The following PRSS1 variants were observed in gnomAD, a reference collection of about 807,000 sequenced individuals.
PRSS1 encodes TCR V beta 4.1.
In PRSS1, 22 loss-of-function variants were observed where a neutral mutation model predicts 24.2. That is an observed-to-expected ratio of 0.91 (90% confidence interval 0.65 to 1.30). The LOEUF is 1.30. Among genes scored for constraint, PRSS1 ranks in the 50% most tolerant of loss-of-function variants. The probability of loss-of-function intolerance (pLI) is 0.00; values close to 1 mark genes in which losing one functional copy is unlikely to be tolerated. For missense variants in PRSS1, 366 were observed against 304.2 expected (o/e 1.20, Z -1.51); for synonymous variants, 126 against 116.1 (o/e 1.08, Z -0.55).
At chr7:142,750,427 G>T (rs1317564595) in intron 1 of PRSS1, 128 bp from the exon 2 acceptor site, 56 of 1,513,908 alleles carry the variant, frequency 3.7e-5, no homozygotes, top group Non-Finnish European at 4.0e-5. Flanking sequence ...GGGTGGCAGA[G>T]CTCCCTCCCT....
intron 1 of PRSS1, 139 bp downstream of exon 1, chr7:142,749,663 C>T: frequency 1.7e-6 from 2 of 1,159,426 alleles, no homozygotes; most frequent in Non-Finnish European, 2.6e-6. Flanking sequence ...TCCTTCCCAT[C>T]CTCCTTGGGC....
rs778549864 is a variant in PRSS1 at position 142,751,844 on chromosome 7, G to A, written c.271G>A (p.Ala91Thr). 1 of 1,614,096 alleles carries A rather than the reference G, an allele frequency of 6.2e-7. No individual in the cohort carries two copies. Residue 91 changes from alanine (A) to threonine (T), a missense_variant, in exon 3 of 5, where the codon GCC (alanine) becomes ACC (threonine). Physicochemically the swap from Ala to Thr is moderately conservative, Grantham distance 58. Coordinates refer to ENST00000311737, the MANE Select transcript of PRSS1 (RefSeq NM_002769.5). ...LEGNEQFINA[A>T]KIIRHPQYDR... ...GGGGAATGAGCAGTTCATCAATGCA[G>A]CCAAGATCATCCGCCACCCCCAATA...
chr7:142,749,610 T>C, intron 1 of PRSS1, 86 bp downstream of exon 1: 1 of 1,514,092 alleles, frequency 6.6e-7, no homozygotes. Context: ...CCTCTCCTCT[T>C]TTGACTGTGC....
At chr7:142,752,396 T>A (rs1204611198) in intron 3 of PRSS1, 35 bp from the exon 4 acceptor site, 1 of 1,611,532 alleles carries the variant, frequency 6.2e-7, no homozygotes, top group South Asian at 1.1e-5. Flanking sequence ...TGACCCACAT[T>A]TCTACTTCCT....
chr7:142,751,774 C>A lies in PRSS1; in HGVS notation c.201C>A (p.Ser67=). 5 of 1,614,150 alleles carry A rather than the reference C, an allele frequency of 3.1e-6. No individual in the cohort carries two copies. In the South Asian group the frequency reaches 5.5e-5, roughly 18 times the overall value. The change falls in exon 3 of 5, where the codon TCC becomes TCA. Residue 67 remains serine (S), a splice_region_variant and synonymous_variant. Transcript: ENST00000311737. The stretch of plus-strand genomic sequence containing the variant: ...TCACCATGCCTGCCCTGCCCATCAG[C>A]CGCATCCAGGTGAGACTGGGAGAGC... ...WVVSAGHCYK[S]RIQVRLGEHN...
In PRSS1 at chr7:142,752,531, T is replaced by A. The variant is rs1798833368; in HGVS notation, c.555T>A (p.Cys185Ter). The change falls in exon 4 of 5, where the codon TGT (cysteine) becomes TGA (stop). Residue 185 changes from cysteine to a stop codon, truncating the protein, a stop_gained. Coordinates refer to ENST00000311737, the MANE Select transcript of PRSS1 (RefSeq NM_002769.5). LOFTEE classifies it high-confidence loss of function. ...YPGKITSNMF[C>*]VGFLEGGKDS... Reference sequence around the variant, plus strand: ...GAAAGATTACCAGCAACATGTTCTGTGTGGGCTTCCTTGAGGGAGGCAAGG... The same window carrying A: ...GAAAGATTACCAGCAACATGTTCTGAGTGGGCTTCCTTGAGGGAGGCAAGG... The A allele has an allele frequency of 6.2e-7, 1 of 1,614,198 alleles. No individual in the cohort carries two copies. The highest frequency in any genetic ancestry group is 1.6e-4 in the Middle Eastern group (1 of 6,062).
chr7:142,750,549 C>T lies in PRSS1; in HGVS notation c.41-6C>T. The T allele has an allele frequency of 6.2e-7, 1 of 1,614,034 alleles. No individual in the cohort carries two copies. Among genetic ancestry groups the T allele is most frequent in the Non-Finnish European group, 8.5e-7 (1 of 1,179,872 alleles). ...CTTGCCTTCTCCCTTCCCATCTCCA[C>T]TCCAGTTGCTGCCCCCTTTGATGAT... On this transcript the variant is annotated splice_polypyrimidine_tract_variant and splice_region_variant and intron_variant, in intron 1 of 4. Transcript: ENST00000311737.
chr7:142,751,597 C>T, intron 2 of PRSS1, 177 bp from the exon 3 acceptor site: 1 of 1,162,998 alleles, frequency 8.6e-7, no homozygotes, highest in South Asian at 1.5e-5. Flanking sequence ...CAGATAGGTC[C>T]TGGGTCTCAT....
rs549140095 is a variant in PRSS1, at chr7:142,751,957, G to A, written c.384G>A (p.Leu128=). The A allele has an allele frequency of 2.5e-6, 4 of 1,613,962 alleles. No individual in the cohort carries two copies. In the East Asian group the frequency reaches 8.9e-5, roughly 36 times the overall value. ...ACGCCCGCGTGTCCACCATCTCTCT[G>A]CCCACCGCCCCTCCAGCCACTGGCA... The part of the protein sequence containing the change: ...VINARVSTIS[L]PTAPPATGTK... The change falls in exon 3 of 5, where the codon CTG becomes CTA. Residue 128 remains leucine (L), a synonymous_variant. Coordinates refer to ENST00000311737, the MANE Select transcript of PRSS1 (RefSeq NM_002769.5).
chr7:142,752,173 A>C, intron 3 of PRSS1, 146 bp downstream of exon 3: 3 of 1,356,252 alleles, frequency 2.2e-6, no homozygotes, highest in Non-Finnish European at 3.1e-6. Context: ...TGGGCACCAG[A>C]GAGATGCAAA....
rs757132372 is a variant in PRSS1, at chr7:142,751,832, T to A, written c.259T>A (p.Phe87Ile). 1 of 1,613,990 alleles carries A rather than the reference T, an allele frequency of 6.2e-7. No homozygotes were observed. The highest frequency in any genetic ancestry group is 8.5e-7 in the Non-Finnish European group (1 of 1,179,992). The change falls in exon 3 of 5, where the codon TTC (phenylalanine) becomes ATC (isoleucine). Residue 87 changes from phenylalanine (F) to isoleucine (I), a missense_variant. Coordinates refer to ENST00000311737, the MANE Select transcript of PRSS1 (RefSeq NM_002769.5). ...CGAAGTCCTGGAGGGGAATGAGCAG[T>A]TCATCAATGCAGCCAAGATCATCCG... ...NIEVLEGNEQ[F>I]INAAKIIRHP...
At chr7:142,750,135 CAG>C in intron 1 of PRSS1, among the ~76,000 whole-genome samples, 1 of 141,864 alleles carries the variant, frequency 7.0e-6, no homozygotes, top group Admixed American at 7.1e-5. Context: ...TGGTCATGGC[CAG>C]GTCTATGCAG....
intron 1 of PRSS1, 116 bp downstream of exon 1, chr7:142,749,640 C>T: frequency 7.2e-7 from 1 of 1,388,878 alleles, no homozygotes; most frequent in Non-Finnish European, 1.0e-6. Context: ...CCGTTTCCTC[C>T]ATCTGGCATA....
At chr7:142,749,610 T>TA in intron 1 of PRSS1, 86 bp downstream of exon 1, 3 of 1,514,092 alleles carry the variant, frequency 2.0e-6, no homozygotes, top group Non-Finnish European at 2.8e-6. Flanking sequence ...CCTCTCCTCT[T>TA]TTGACTGTGC....
rs527849035 is a variant in PRSS1, at chr7:142,750,509, C to T, written c.41-46C>T. The T allele has an allele frequency of 1.6e-3, 2,522 of 1,613,650 alleles. No individual in the cohort carries two copies. In the South Asian group the frequency reaches 0.026, roughly 16 times the overall value. ...CAATCACAGGCTGGGAGCGCCACCC[C>T]TAACATGCTATTGACTTGCCTTCTC... On this transcript the variant is annotated intron_variant, in intron 1 of 4. Transcript: ENST00000311737.
intron 1 of PRSS1, among the ~76,000 whole-genome samples, chr7:142,750,295 G>A (rs1585977073): frequency 6.6e-6 from 1 of 152,214 alleles, no homozygotes. Flanking sequence ...GAAGCATTGT[G>A]AGGACATTCC....
At chr7:142,751,747 C>T (rs1470985064) in intron 2 of PRSS1, 27 bp from the exon 3 acceptor site, 3 of 1,614,176 alleles carry the variant, frequency 1.9e-6, no homozygotes, top group Admixed American at 1.7e-5. Flanking sequence ...GGGAGAAGGT[C>T]TTCACCATGC....
In PRSS1 at chr7:142,752,332, G is replaced by C. The variant is rs1202921964; in HGVS notation, c.455-99G>C. 1.0e-5 allele frequency: 15 copies of C among 1,507,406 alleles called. No homozygotes were observed. In the Admixed American group the frequency reaches 1.5e-4, roughly 15 times the overall value. 93.4% of individuals were successfully genotyped at this position (1,507,406 alleles called of 1,614,324 possible). Reference sequence around the variant, plus strand: ...ACTTATGTTCTGGAGTCCTCTCCAGGGGCTGTGTTCCTCTTCAGTTTTCCA... The same window carrying C: ...ACTTATGTTCTGGAGTCCTCTCCAGCGGCTGTGTTCCTCTTCAGTTTTCCA... On this transcript the variant is annotated intron_variant, in intron 3 of 4. Coordinates refer to ENST00000311737, the MANE Select transcript of PRSS1 (RefSeq NM_002769.5).
chr7:142,749,562 C>G (rs760254656), intron 1 of PRSS1, 38 bp downstream of exon 1: 11 of 1,610,224 alleles, frequency 6.8e-6, no homozygotes, highest in African/African-American at 1.3e-5. Context: ...CAACCACCCC[C>G]CCGTTCCTGG....
Sources: allele counts gnomAD v4.1 joint callset (sites outside exome capture counted in the v4.1 genomes callset), GRCh38; gene constraint gnomAD v4.1.1; transcripts MANE v1.5; gene names NCBI Gene and HGNC (gene_info 2026-07-23, HGNC 2026-07-21).